The following RTKN2 variants were observed in gnomAD, a reference collection of about 807,000 sequenced individuals.
RTKN2 encodes the protein rhotekin-2.
A neutral mutation model predicts 71.5 loss-of-function variants in RTKN2; 69 were observed. The ratio of observed to expected loss-of-function variants is 0.96; its 90% CI spans 0.79 to 1.18. The LOEUF (loss-of-function observed/expected upper bound fraction) is 1.18. Among genes scored for constraint, RTKN2 ranks in the 50% most tolerant of loss-of-function variants. The pLI is 0.00. For missense variants in RTKN2, 724 were observed against 719.7 expected, an observed-to-expected ratio of 1.01 and a Z score of -0.07; for synonymous variants, 236 against 236.5, an observed-to-expected ratio of 1.00 and a Z score of 0.02.
chr10:62,241,111 C>T, intron 4 of RTKN2, 31 bp downstream of exon 4: 1 of 1,289,706 alleles, frequency 7.8e-7, no homozygotes, highest in Non-Finnish European at 1.1e-6. Flanking sequence ...CTAAAGAAAA[C>T]ATTTCAATTA....
intron 5 of RTKN2, chr10:62,238,022 A>T (rs1441280293): frequency 6.6e-6 from 1 of 151,886 alleles, no homozygotes; most frequent in Non-Finnish European, 1.5e-5. Flanking sequence ...ACTGCAAAAG[A>T]GGTCCATCAG....
Position 62,197,515 on chromosome 10 carries a change from T to C in RTKN2, c.*393A>G, listed in dbSNP as rs896080625. Reference sequence around the variant, plus strand: ...AAACCTTTGAAACATTCCATTAGTATTAAAATTCTCACAATGAGAATATGG... The same window carrying C: ...AAACCTTTGAAACATTCCATTAGTACTAAAATTCTCACAATGAGAATATGG... On this transcript the variant is annotated 3_prime_UTR_variant, in exon 12 of 12. Coordinates refer to ENST00000373789, the MANE Select transcript of RTKN2 (RefSeq NM_145307.4). 2 of 990,542 alleles carry C rather than the reference T, an allele frequency of 2.0e-6. No individual in the cohort carries two copies. The highest frequency in any genetic ancestry group is 3.5e-5 in the African/African-American group (2 of 57,342). The allele number at this position is 990,542 out of a possible 1,614,324, so 61.4% of individuals were successfully genotyped here. A position where few individuals can be genotyped will look rare whatever the true frequency, so the allele number is the denominator to read the frequency against.
Position 62,195,495 on chromosome 10 carries a change from A to G in RTKN2, c.*2413T>C. 1.1e-6 allele frequency: 1 copy of G among 892,558 alleles called. No individual in the cohort carries two copies. The highest frequency in any genetic ancestry group is 5.2e-5 in the South Asian group (1 of 19,252). The allele number at this position is 892,558 out of a possible 1,614,324, so 55.3% of individuals were successfully genotyped here. A position where few individuals can be genotyped will look rare whatever the true frequency, so the allele number is the denominator to read the frequency against. ...GAAGGGAGGAAGGAGAGACAGAAGG[A>G]AAGTGGGAAAAGGGGATGAGACAGA... is the stretch of plus-strand genomic sequence containing the variant. On this transcript the variant is annotated 3_prime_UTR_variant, in exon 12 of 12. Transcript: ENST00000373789.
chr10:62,192,121 T>C (rs1187576132), downstream of RTKN2, among the ~76,000 whole-genome samples: 1 of 151,282 alleles, frequency 6.6e-6, no homozygotes, highest in Non-Finnish European at 1.5e-5. Context: ...ATCATATAGC[T>C]AAGTCATGAC....
intron 8 of RTKN2, among the ~76,000 whole-genome samples, chr10:62,217,538 C>T (rs79774583): frequency 0.026 from 3,903 of 152,200 alleles, 151 homozygotes; most frequent in African/African-American, 0.089. Context: ...TTTAGAAAAG[C>T]TAGTCGATTA....
At chr10:62,199,614 G>T in intron 11 of RTKN2, 140 bp downstream of exon 11, 1 of 540,944 alleles carries the variant, frequency 1.8e-6, no homozygotes. Context: ...GAGTTCCTTA[G>T]TCTATAATCA....
At chr10:62,227,151 G>A (rs1010665317) in intron 6 of RTKN2, among the ~76,000 whole-genome samples, 1 of 152,096 alleles carries the variant, frequency 6.6e-6, no homozygotes, top group Admixed American at 6.6e-5. Flanking sequence ...AACAATCAAC[G>A]AAATAGGGGA....
downstream of RTKN2, among the ~76,000 whole-genome samples, chr10:62,192,227 A>C (rs943675109): frequency 1.3e-5 from 2 of 152,194 alleles, no homozygotes; most frequent in Non-Finnish European, 2.9e-5. Context: ...TGTGTGTGTT[A>C]AGGGGGGCTA....
rs1841337208 is a variant in RTKN2 at position 62,196,635 on chromosome 10, C to T, written c.*1273G>A. On this transcript the variant is annotated 3_prime_UTR_variant, in exon 12 of 12. Transcript: ENST00000373789. ...TTTAAAAAGATCTCAAGAGATTATA[C>T]ACAGGGCAGCAATTTAATTCTTAAA... 3.0e-6 allele frequency: 3 copies of T among 984,598 alleles called. No homozygotes were observed. Among genetic ancestry groups the T allele is most frequent in the Non-Finnish European group, 3.6e-6 (3 of 829,190 alleles). The allele number at this position is 984,598 out of a possible 1,614,324, so 61.0% of individuals were successfully genotyped here.
intron 4 of RTKN2, among the ~76,000 whole-genome samples, chr10:62,240,254 GA>G (rs11385726): frequency 2.1e-5 from 3 of 145,804 alleles, no homozygotes; most frequent in Non-Finnish European, 1.5e-5. Flanking sequence ...GAAACCACAA[GA>G]AAAAAAAAAA....
At chr10:62,200,921 T>C (rs1841427899) in intron 10 of RTKN2, among the ~76,000 whole-genome samples, 1 of 152,154 alleles carries the variant, frequency 6.6e-6, no homozygotes, top group South Asian at 2.1e-4. Context: ...AAGTTAAAAT[T>C]TGAGTGTGGA....
chr10:62,232,735 A>G (rs985014256), intron 6 of RTKN2, among the ~76,000 whole-genome samples: 1 of 152,144 alleles, frequency 6.6e-6, no homozygotes, highest in Non-Finnish European at 1.5e-5. Context: ...TGAGTTTAAA[A>G]AAAAAAGCCC....
intron 2 of RTKN2, among the ~76,000 whole-genome samples, chr10:62,253,948 T>C (rs1255779741): frequency 6.6e-6 from 1 of 151,596 alleles, no homozygotes; most frequent in African/African-American, 2.4e-5. Context: ...TAACCTACAG[T>C]GGAAAAAAAA....
chr10:62,238,579 G>A (rs1842306394), intron 5 of RTKN2: 1 of 151,876 alleles, frequency 6.6e-6, no homozygotes, highest in Non-Finnish European at 1.5e-5. Flanking sequence ...CAAGAAAAAA[G>A]TAATTTTTTT....
At chr10:62,192,332 A>G (rs1366571519), downstream of RTKN2, among the ~76,000 whole-genome samples, 1 of 152,230 alleles carries the variant, frequency 6.6e-6, no homozygotes, top group Non-Finnish European at 1.5e-5. Context: ...CACTCTCATT[A>G]CAGTATACTA....
At chr10:62,226,295 T>C (rs1462301211) in intron 6 of RTKN2, among the ~76,000 whole-genome samples, 1 of 152,184 alleles carries the variant, frequency 6.6e-6, no homozygotes, top group Admixed American at 6.5e-5. Context: ...TACTAAATCC[T>C]TAATAAAGTC....
At chr10:62,268,454 G>T in intron 1 of RTKN2, 97 bp downstream of exon 1, 5 of 1,145,678 alleles carry the variant, frequency 4.4e-6, no homozygotes, top group Non-Finnish European at 5.1e-6. Flanking sequence ...TAGAGGAGCG[G>T]GGGAGAGGCT....
At chr10:62,208,480 T>C (rs1393846802) in intron 9 of RTKN2, among the ~76,000 whole-genome samples, 4 of 152,312 alleles carry the variant, frequency 2.6e-5, no homozygotes, top group East Asian at 3.9e-4. Flanking sequence ...GGGCTTCTAC[T>C]AGTCAAACAT....
chr10:62,235,762 T>C (rs950434191), intron 6 of RTKN2, among the ~76,000 whole-genome samples: 2 of 152,014 alleles, frequency 1.3e-5, no homozygotes, highest in African/African-American at 4.8e-5. Context: ...TAATTATGTA[T>C]ATACAAATAT....
Sources: gnomAD v4.1 joint callset for allele counts (sites outside exome capture counted in the v4.1 genomes callset) on GRCh38, gnomAD v4.1.1 for gene constraint, MANE v1.5 for transcripts, NCBI Gene and HGNC (gene_info 2026-07-23, HGNC 2026-07-21) for gene names.